The following RASGEF1C variants were observed in gnomAD, a reference collection of about 807,000 sequenced individuals.
RASGEF1C encodes ras-GEF domain-containing family member 1C.
A neutral mutation model predicts 58.1 loss-of-function variants in RASGEF1C; 27 were observed. The observed-to-expected ratio is 0.46, with a 90% CI of 0.34 to 0.64. The LOEUF is 0.64. Ranked by LOEUF, RASGEF1C falls within the 30% of genes least tolerant of loss-of-function variation. The pLI, the probability that RASGEF1C is intolerant of heterozygous loss-of-function variation, is 0.01. For missense variants in RASGEF1C, 502 were observed against 605.1 expected, an observed-to-expected ratio of 0.83 and a Z score of 1.79; for synonymous variants, 243 against 246.3, an observed-to-expected ratio of 0.99 and a Z score of 0.13.
rs774946523 is a variant in RASGEF1C, at chr5:180,128,474, C to T, written c.575G>A (p.Arg192Lys). 1.2e-5 allele frequency: 20 copies of T among 1,614,032 alleles called. No individual in the cohort carries two copies. The highest frequency in any genetic ancestry group is 1.6e-5 in the Non-Finnish European group (19 of 1,180,042). ...GTCGCTGCAGACACCAAGGAGCTCC[C>T]TGTGGATGGAGGCTGGTGGCTTGGT... Reference protein sequence around the residue: ...YRTKPPASIHRELLGVCSDPY... With the variant: ...YRTKPPASIHKELLGVCSDPY... The change falls in exon 5 of 14, where the codon AGG becomes AAG. Residue 192 changes from arginine (R) to lysine (K), a missense_variant. Physicochemically the swap from Arg to Lys is conservative, Grantham distance 26. Coordinates refer to ENST00000361132, the MANE Select transcript of RASGEF1C (RefSeq NM_175062.4).
Position 180,155,419 on chromosome 5 carries a change from G to T in RASGEF1C, c.-6-17361C>A, listed in dbSNP as rs538665069. 6.6e-6 allele frequency among the ~76,000 whole-genome samples: 1 copy of T among 152,136 alleles called. No homozygotes were observed. Among genetic ancestry groups the T allele is most frequent in the Non-Finnish European group, 1.5e-5 (1 of 68,040 alleles). On this transcript the variant is annotated intron_variant, in intron 1 of 13. Coordinates refer to ENST00000361132, the MANE Select transcript of RASGEF1C (RefSeq NM_175062.4). The surrounding 1 kb of genome is among the most constrained non-coding windows in gnomAD (Gnocchi z 5.2). The stretch of plus-strand genomic sequence containing the variant: ...CTAGGCCGAGCCCAGATCTGCTTGC[G>T]GAGGCTGAGAATGCACCTGGCCTTG...
chr5:180,112,518 C>T (rs1765975106), intron 11 of RASGEF1C, among the ~76,000 whole-genome samples: 1 of 152,226 alleles, frequency 6.6e-6, no homozygotes, highest in Non-Finnish European at 1.5e-5. Flanking sequence ...TCAGACAGAG[C>T]AGTGACTGGT....
At chr5:180,152,165 C>T (rs889771891) in intron 1 of RASGEF1C, among the ~76,000 whole-genome samples, 154 of 151,852 alleles carry the variant, frequency 1.0e-3, no homozygotes, top group Non-Finnish European at 1.0e-3. Context: ...GTGTGGCGAT[C>T]CCTCAGGGAT....
intron 1 of RASGEF1C, among the ~76,000 whole-genome samples, chr5:180,159,164 G>T: frequency 6.8e-6 from 1 of 146,810 alleles, no homozygotes; most frequent in Non-Finnish European, 1.5e-5. Context: ...TTTTGAGGCA[G>T]AATCTCACTC....
intron 13 of RASGEF1C, 106 bp from the exon 14 acceptor site, chr5:180,101,631 C>G: frequency 7.1e-7 from 1 of 1,412,304 alleles, no homozygotes; most frequent in African/African-American, 1.4e-5. Flanking sequence ...GAGAGCCAGC[C>G]TCCTGCCCCA....
Position 180,155,387 on chromosome 5 carries a change from A to T in RASGEF1C, c.-6-17329T>A, listed in dbSNP as rs1410673579. ...TGAAGGGACGCTGTGGGGGAACTGC[A>T]GCCTCCCTAGGCCGAGCCCAGATCT... is the stretch of plus-strand genomic sequence containing the variant. On this transcript the variant is annotated intron_variant, in intron 1 of 13. Transcript: ENST00000361132. The surrounding 1 kb of genome is among the most constrained non-coding windows in gnomAD (Gnocchi z 5.2). 6.6e-6 allele frequency among the ~76,000 whole-genome samples: 1 copy of T among 152,114 alleles called. No individual in the cohort carries two copies. The highest frequency in any genetic ancestry group is 1.5e-5 in the Non-Finnish European group (1 of 68,012).
chr5:180,191,987 G>A (rs1422472622), intron 1 of RASGEF1C, among the ~76,000 whole-genome samples: 1 of 152,172 alleles, frequency 6.6e-6, no homozygotes, highest in Non-Finnish European at 1.5e-5. Context: ...TCAGCTGTGA[G>A]AGGCCACCCA....
At chr5:180,132,078 G>C (rs1766378959) in intron 4 of RASGEF1C, among the ~76,000 whole-genome samples, 1 of 152,124 alleles carries the variant, frequency 6.6e-6, no homozygotes, top group South Asian at 2.1e-4. Context: ...CAGGGCCAGA[G>C]ACCTGAACCA....
At chr5:180,153,226 C>T (rs1230265832) in intron 1 of RASGEF1C, among the ~76,000 whole-genome samples, 1 of 152,198 alleles carries the variant, frequency 6.6e-6, no homozygotes, top group African/African-American at 2.4e-5. Context: ...TGTGTCTGCA[C>T]ATCCGTGCTC....
At chr5:180,117,783 C>G (rs914105490) in intron 10 of RASGEF1C, among the ~76,000 whole-genome samples, 9 of 152,140 alleles carry the variant, frequency 5.9e-5, no homozygotes, top group African/African-American at 2.2e-4. Context: ...CACCTGAGGT[C>G]AGGAGTTTAA....
At chr5:180,122,791 C>G (rs1055322328) in intron 6 of RASGEF1C, among the ~76,000 whole-genome samples, 12 of 145,758 alleles carry the variant, frequency 8.2e-5, no homozygotes, top group Non-Finnish European at 1.5e-4. Context: ...AAAAAATCCC[C>G]AAAAAACTGC....
intron 1 of RASGEF1C, among the ~76,000 whole-genome samples, chr5:180,163,086 C>T (rs72821975): frequency 1.3e-5 from 2 of 152,014 alleles, no homozygotes; most frequent in African/African-American, 4.8e-5. Context: ...TGTATCCTGG[C>T]GTCTGTAGAA....
chr5:180,159,344 T>C (rs1186519606), intron 1 of RASGEF1C, among the ~76,000 whole-genome samples: 3 of 152,162 alleles, frequency 2.0e-5, no homozygotes, highest in Non-Finnish European at 2.9e-5. Flanking sequence ...TTCACCATGT[T>C]GCCCAGGGTG....
intron 6 of RASGEF1C, among the ~76,000 whole-genome samples, chr5:180,122,772 AAAAAC>A (rs1289661601): frequency 7.5e-6 from 1 of 132,676 alleles, no homozygotes; most frequent in African/African-American, 3.0e-5. Flanking sequence ...AACAAAAACA[AAAAAC>A]AAAAAAAAAT....
At position 180,101,972 on chromosome 5, in the gene RASGEF1C, G is replaced by C. The variant is rs1436754874; in HGVS notation, c.1376+99C>G. On this transcript the variant is annotated intron_variant, in intron 13 of 13. Coordinates refer to ENST00000361132, the MANE Select transcript of RASGEF1C (RefSeq NM_175062.4). ...TCTGAAGCCCCTCGGCCCTGTCCTG[G>C]TCCCAAGCAGTCCCCGGGTCCCACC... The C allele has an allele frequency of 3.6e-6, 3 of 842,754 alleles. No individual in the cohort carries two copies. In the African/African-American group the frequency reaches 5.1e-5, roughly 14 times the overall value. The allele number at this position is 842,754 out of a possible 1,614,324, so 52.2% of individuals were successfully genotyped here.
At chr5:180,196,637 G>C (rs7720553) in intron 1 of RASGEF1C, among the ~76,000 whole-genome samples, 1 of 151,992 alleles carries the variant, frequency 6.6e-6, no homozygotes. Flanking sequence ...GTATTGGTAC[G>C]AGGTTCTTCA....
intron 1 of RASGEF1C, among the ~76,000 whole-genome samples, chr5:180,189,999 A>T (rs950928744): frequency 7.1e-6 from 1 of 139,880 alleles, no homozygotes; most frequent in Non-Finnish European, 1.6e-5. Flanking sequence ...ACTTCATGCG[A>T]AAAAAAAAAC....
rs981740406 is a variant in RASGEF1C at position 180,103,284 on chromosome 5, A to C, written c.1304-1141T>G. Among the ~76,000 whole-genome samples, 5 of 152,246 alleles carry C rather than the reference A, an allele frequency of 3.3e-5. No individual in the cohort carries two copies. The East Asian group carries it at 5.8e-4, about 18-fold the overall frequency. ...AGTAGAGATGGGGTTTCACCGTGTT[A>C]GCCAGGATGGTCTCGATCTCCTGAC... On this transcript the variant is annotated intron_variant, in intron 12 of 13. Coordinates refer to ENST00000361132, the MANE Select transcript of RASGEF1C (RefSeq NM_175062.4).
At chr5:180,152,394 A>C (rs185214275) in intron 1 of RASGEF1C, among the ~76,000 whole-genome samples, 3 of 152,050 alleles carry the variant, frequency 2.0e-5, no homozygotes, top group Admixed American at 6.6e-5. Context: ...TAACAAATGA[A>C]GAGTTCATGT....
Sources: allele counts gnomAD v4.1 joint callset (sites outside exome capture counted in the v4.1 genomes callset), GRCh38; gene constraint gnomAD v4.1.1; non-coding constraint Gnocchi (gnomAD v3.1); transcripts MANE v1.5; gene names NCBI Gene and HGNC (gene_info 2026-07-23, HGNC 2026-07-21).